Variants in STARD13 observed in about 807,000 individuals in gnomAD.
STARD13 encodes stAR-related lipid transfer protein 13.
A neutral mutation model predicts 106.4 loss-of-function variants in STARD13; 62 were observed. That is an observed-to-expected ratio of 0.58 (90% CI 0.48 to 0.72). The LOEUF (loss-of-function observed/expected upper bound fraction) is 0.72, where lower values mean the gene tolerates loss of function less well. Ranked by LOEUF, STARD13 falls within the 30% of genes least tolerant of loss-of-function variation. The probability of loss-of-function intolerance (pLI) is 0.00; values close to 1 mark genes in which losing one functional copy is unlikely to be tolerated. For synonymous variants in STARD13, 565 were observed against 553.0 expected (o/e 1.02, Z -0.31); for missense variants, 1,387 against 1,424.0 (o/e 0.97, Z 0.42).
At chr13:33,591,149 C>T in the STARD13 span, among the ~76,000 whole-genome samples, 4 of 152,226 alleles carry the variant, frequency 2.6e-5, no homozygotes, top group East Asian at 1.9e-4. Flanking sequence ...CACTGCAAGG[C>T]GAGGGCAGAT....
the STARD13 span, among the ~76,000 whole-genome samples, chr13:33,667,731 C>T: frequency 6.6e-6 from 1 of 152,378 alleles, no homozygotes; most frequent in African/African-American, 2.4e-5. Flanking sequence ...GAATACTCTT[C>T]ATTGGTAACA....
the STARD13 span, among the ~76,000 whole-genome samples, chr13:33,480,914 G>T: frequency 6.6e-6 from 1 of 151,998 alleles, no homozygotes; most frequent in African/African-American, 2.4e-5. Flanking sequence ...TAATTACTGG[G>T]GTCATGTAAT....
At chr13:33,255,450 C>T (rs945875366) in intron 1 of STARD13, among the ~76,000 whole-genome samples, 7 of 151,948 alleles carry the variant, frequency 4.6e-5, no homozygotes, top group Admixed American at 2.0e-4. Context: ...CTCCAGGGCC[C>T]GCACACCCTG....
intron 1 of STARD13, among the ~76,000 whole-genome samples, chr13:33,219,600 G>A (rs959203731): frequency 6.6e-5 from 10 of 150,440 alleles, no homozygotes; most frequent in South Asian, 4.2e-4. Flanking sequence ...GGGATGCAGA[G>A]GCGGGAGGAT....
At chr13:33,512,200 C>T in the STARD13 span, among the ~76,000 whole-genome samples, 1 of 152,142 alleles carries the variant, frequency 6.6e-6, no homozygotes, top group Admixed American at 6.5e-5. Flanking sequence ...CAGCAAGCCA[C>T]TGGAAACTAA....
the STARD13 span, among the ~76,000 whole-genome samples, chr13:33,620,077 G>A: frequency 6.6e-6 from 1 of 151,856 alleles, no homozygotes; most frequent in East Asian, 1.9e-4. Context: ...AAAAGAGTGG[G>A]TGGAATATTC....
intron 1 of STARD13, among the ~76,000 whole-genome samples, chr13:33,256,307 C>T (rs777248981): frequency 1.3e-5 from 2 of 152,170 alleles, no homozygotes; most frequent in Non-Finnish European, 2.9e-5. Context: ...TGAGAGGGCT[C>T]CTGCTGGCCC....
chr13:33,435,230 C>T, the STARD13 span, among the ~76,000 whole-genome samples: 10 of 152,088 alleles, frequency 6.6e-5, no homozygotes, highest in East Asian at 1.9e-4. Context: ...GAACTTTGCC[C>T]GGAAGAAGTC....
chr13:33,170,159 T>C (rs576696590), intron 1 of STARD13, among the ~76,000 whole-genome samples: 2 of 152,296 alleles, frequency 1.3e-5, no homozygotes, highest in African/African-American at 4.8e-5. Flanking sequence ...AAGAGTATAA[T>C]TGGATTGTTT....
the STARD13 span, among the ~76,000 whole-genome samples, chr13:33,665,908 A>G: frequency 6.6e-6 from 1 of 152,174 alleles, no homozygotes; most frequent in Non-Finnish European, 1.5e-5. Flanking sequence ...AGTCAATGTC[A>G]CTCAGCTGGC....
intron 1 of STARD13, among the ~76,000 whole-genome samples, chr13:33,182,284 T>C (rs1312961654): frequency 6.6e-6 from 1 of 152,224 alleles, no homozygotes; most frequent in Non-Finnish European, 1.5e-5. Flanking sequence ...CACTCAGCTG[T>C]ATGAGATGCA....
intron 1 of STARD13, among the ~76,000 whole-genome samples, chr13:33,224,025 C>T (rs1888489957): frequency 6.6e-6 from 1 of 152,130 alleles, no homozygotes; most frequent in South Asian, 2.1e-4. Context: ...ATCCAAGAGG[C>T]CCTAATATAG....
At chr13:33,293,276 A>G (rs1348441560) in intron 1 of STARD13, among the ~76,000 whole-genome samples, 1 of 152,130 alleles carries the variant, frequency 6.6e-6, no homozygotes, top group Non-Finnish European at 1.5e-5. Context: ...TTCACATTCT[A>G]TACTTGATGC....
the STARD13 span, among the ~76,000 whole-genome samples, chr13:33,462,902 A>G: frequency 6.6e-6 from 1 of 152,274 alleles, no homozygotes; most frequent in African/African-American, 2.4e-5. Context: ...ACTTAGCATC[A>G]TTCAGTCCAA....
In STARD13 at chr13:33,329,020, T is replaced by C. The variant is rs114470234; in HGVS notation, c.124+21270A>G. Among the ~76,000 whole-genome samples the C allele has an allele frequency of 3.7e-3, 568 of 152,352 alleles. 4 individuals are homozygous for C. The highest frequency in any genetic ancestry group is 0.013 in the African/African-American group (549 of 41,578). The stretch of plus-strand genomic sequence containing the variant: ...AAGGCTAAGTGTTACGGTGCAGCTG[T>C]TCAATGCATATTCTCAAGTTCTGCA... On this transcript the variant is annotated intron_variant, in intron 1 of 5. Transcript: ENST00000567873.
chr13:33,451,947 G>T, the STARD13 span, among the ~76,000 whole-genome samples: 2 of 152,296 alleles, frequency 1.3e-5, no homozygotes, highest in East Asian at 3.9e-4. Context: ...CCAGAAGACA[G>T]AAATTAGAAT....
chr13:33,243,829 G>A (rs897654677), intron 1 of STARD13, among the ~76,000 whole-genome samples: 1 of 152,088 alleles, frequency 6.6e-6, no homozygotes, highest in Admixed American at 6.6e-5. Flanking sequence ...CCCAGGTCTG[G>A]CACCTGTAAG....
At chr13:33,414,869 T>C in the STARD13 span, among the ~76,000 whole-genome samples, 2 of 152,162 alleles carry the variant, frequency 1.3e-5, no homozygotes, top group African/African-American at 4.8e-5. Context: ...TTTATAGTAA[T>C]ATACATAGCA....
intron 1 of STARD13, among the ~76,000 whole-genome samples, chr13:33,350,134 C>T (rs2078060173): frequency 1.3e-5 from 2 of 152,068 alleles, no homozygotes; most frequent in Admixed American, 1.3e-4. Context: ...GGGGCCCGGC[C>T]CAGGGAGGGT....
Sources: allele counts gnomAD v4.1 joint callset (sites outside exome capture counted in the v4.1 genomes callset), GRCh38; gene constraint gnomAD v4.1.1; transcripts MANE v1.5; gene names NCBI Gene and HGNC (gene_info 2026-07-23, HGNC 2026-07-21).